Variants in SEMA5A observed in about 807,000 individuals in gnomAD.
The protein encoded by SEMA5A is semaphorin-5A.
In SEMA5A, 55 loss-of-function variants were observed where a neutral mutation model predicts 135.5. That is an observed-to-expected ratio of 0.41 (90% confidence interval 0.33 to 0.51). The LOEUF is 0.51. SEMA5A is among the 20% of genes least tolerant of loss of function. The pLI, the probability that SEMA5A is intolerant of heterozygous loss-of-function variation, is 0.37. For missense variants in SEMA5A, 1,290 were observed against 1,419.9 expected (o/e 0.91, Z 1.47); for synonymous variants, 580 against 546.5 (o/e 1.06, Z -0.85).
At chr5:9,097,949 T>C (rs772062060) in intron 16 of SEMA5A, among the ~76,000 whole-genome samples, 10 of 152,148 alleles carry the variant, frequency 6.6e-5, no homozygotes, top group Non-Finnish European at 1.2e-4. Flanking sequence ...CAAATCTCTT[T>C]TTAAAAAATA....
chr5:9,451,727 A>C (rs1758651242), intron 1 of SEMA5A, among the ~76,000 whole-genome samples: 1 of 152,190 alleles, frequency 6.6e-6, no homozygotes, highest in Admixed American at 6.5e-5. Flanking sequence ...ATGCAAATTG[A>C]TCACAACCTC....
chr5:9,419,453 T>A (rs1757389484), intron 2 of SEMA5A, among the ~76,000 whole-genome samples: 1 of 152,154 alleles, frequency 6.6e-6, no homozygotes, highest in South Asian at 2.1e-4. Context: ...TGCAAAGTCA[T>A]GTTCAATGGT....
chr5:9,275,530 A>G (rs991412285), intron 5 of SEMA5A, among the ~76,000 whole-genome samples: 2 of 152,218 alleles, frequency 1.3e-5, no homozygotes, highest in Non-Finnish European at 2.9e-5. Flanking sequence ...CACAATAAAA[A>G]AAAAGGAAAA....
intron 1 of SEMA5A, among the ~76,000 whole-genome samples, chr5:9,515,059 C>T (rs1736430149): frequency 1.3e-5 from 2 of 152,190 alleles, no homozygotes; most frequent in Non-Finnish European, 2.9e-5. Context: ...TACTAAACTA[C>T]ATCATAGCCT....
intron 10 of SEMA5A, among the ~76,000 whole-genome samples, chr5:9,190,707 T>C (rs1002908903): frequency 6.6e-6 from 1 of 152,062 alleles, no homozygotes; most frequent in African/African-American, 2.4e-5. Flanking sequence ...AATGAACTGA[T>C]CAGAAGTTAA....
intron 5 of SEMA5A, among the ~76,000 whole-genome samples, chr5:9,240,108 A>C (rs1366311936): frequency 6.6e-6 from 1 of 152,126 alleles, no homozygotes; most frequent in Non-Finnish European, 1.5e-5. Flanking sequence ...ATTTTTATCC[A>C]GCATACCAAA....
At chr5:9,467,933 G>A (rs926766245) in intron 1 of SEMA5A, among the ~76,000 whole-genome samples, 2 of 152,246 alleles carry the variant, frequency 1.3e-5, no homozygotes, top group South Asian at 2.1e-4. Context: ...TTGACTAGCA[G>A]AGTCTAACTA....
At chr5:9,307,490 T>TC (rs1055787608) in intron 5 of SEMA5A, among the ~76,000 whole-genome samples, 2 of 152,052 alleles carry the variant, frequency 1.3e-5, no homozygotes, top group African/African-American at 4.8e-5. Flanking sequence ...AATGTGACTT[T>TC]TTTTTTTTTC....
intron 2 of SEMA5A, 174 bp from the exon 3 acceptor site, chr5:9,380,197 T>C: frequency 2.1e-6 from 1 of 482,476 alleles, no homozygotes; most frequent in Non-Finnish European, 3.7e-6. Context: ...TGTGTGTGTA[T>C]GAATGCATGC....
intron 5 of SEMA5A, among the ~76,000 whole-genome samples, chr5:9,282,962 C>T (rs1750617357): frequency 6.6e-6 from 1 of 152,162 alleles, no homozygotes; most frequent in South Asian, 2.1e-4. Flanking sequence ...CCTGACTCTC[C>T]ATAGAAGAGC....
chr5:9,456,732 G>A (rs908286538), intron 1 of SEMA5A, among the ~76,000 whole-genome samples: 1 of 152,126 alleles, frequency 6.6e-6, no homozygotes, highest in African/African-American at 2.4e-5. Flanking sequence ...TGTGATTCAA[G>A]GCAAGGGGGG....
At chr5:9,315,682 T>C (rs1490094541) in intron 5 of SEMA5A, among the ~76,000 whole-genome samples, 1 of 152,156 alleles carries the variant, frequency 6.6e-6, no homozygotes, top group African/African-American at 2.4e-5. Flanking sequence ...CATGATAAAG[T>C]TATTAGTTAT....
intron 8 of SEMA5A, among the ~76,000 whole-genome samples, chr5:9,217,517 C>T (rs1746696659): frequency 6.6e-6 from 1 of 152,118 alleles, no homozygotes; most frequent in Admixed American, 6.5e-5. Context: ...TCTGTATTTC[C>T]TAAATTTGAC....
chr5:9,184,657 C>G (rs933909390), intron 11 of SEMA5A, among the ~76,000 whole-genome samples: 1 of 152,180 alleles, frequency 6.6e-6, no homozygotes. Flanking sequence ...TAGAATAGCA[C>G]GTCATTTTGA....
At chr5:9,253,576 C>T (rs1486740343) in intron 5 of SEMA5A, among the ~76,000 whole-genome samples, 1 of 152,118 alleles carries the variant, frequency 6.6e-6, no homozygotes, top group Admixed American at 6.6e-5. Flanking sequence ...ATTGGTCTAC[C>T]TCCTATGGTG....
chr5:9,544,747 G>A (rs1738285861), intron 1 of SEMA5A, among the ~76,000 whole-genome samples: 1 of 152,234 alleles, frequency 6.6e-6, no homozygotes, highest in African/African-American at 2.4e-5. Context: ...GCGAGGAGGT[G>A]AACGCGCTTC....
intron 4 of SEMA5A, among the ~76,000 whole-genome samples, chr5:9,326,696 C>A (rs766797710): frequency 7.9e-5 from 12 of 152,112 alleles, no homozygotes; most frequent in Non-Finnish European, 1.2e-4. Context: ...GCACGAGAAT[C>A]CCTGAATGTG....
intron 6 of SEMA5A, among the ~76,000 whole-genome samples, chr5:9,231,724 C>T (rs1286871717): frequency 2.0e-5 from 3 of 152,144 alleles, no homozygotes; most frequent in Non-Finnish European, 4.4e-5. Context: ...AAAGGTTTCT[C>T]TTATAAATCA....
At chr5:9,085,148 A>G (rs1300647395) in intron 16 of SEMA5A, among the ~76,000 whole-genome samples, 1 of 152,206 alleles carries the variant, frequency 6.6e-6, no homozygotes, top group Admixed American at 6.5e-5. Flanking sequence ...ATTCCGTTTT[A>G]TAAGGGAGGC....
Sources: gnomAD v4.1 joint callset for allele counts (sites outside exome capture counted in the v4.1 genomes callset) on GRCh38, gnomAD v4.1.1 for gene constraint, MANE v1.5 for transcripts, NCBI Gene and HGNC (gene_info 2026-07-23, HGNC 2026-07-21) for gene names.